Variants in GPR158 observed in about 807,000 individuals in gnomAD.
The protein encoded by GPR158 is G protein-coupled receptor 158, also known as metabotropic glycine receptor.
Under a neutral mutation model 78.2 loss-of-function variants are expected in GPR158, and 30 were observed. That is an observed-to-expected ratio of 0.38 (90% CI 0.29 to 0.52). GPR158 has a LOEUF of 0.52. Among genes scored for constraint, GPR158 ranks in the 20% least tolerant of loss-of-function variants. The pLI is 0.83. For missense variants in GPR158, 1,463 were observed against 1,523.5 expected, an observed-to-expected ratio of 0.96 and a Z score of 0.66; for synonymous variants, 581 against 591.1, an observed-to-expected ratio of 0.98 and a Z score of 0.25.
intron 5 of GPR158, among the ~76,000 whole-genome samples, chr10:25,488,722 C>G (rs1310974689): frequency 6.6e-6 from 1 of 152,064 alleles, no homozygotes; most frequent in African/African-American, 2.4e-5. Context: ...AGATGTGATT[C>G]AGACATGAAA....
At chr10:25,207,099 A>C (rs1268604761) in intron 1 of GPR158, among the ~76,000 whole-genome samples, 1 of 152,036 alleles carries the variant, frequency 6.6e-6, no homozygotes, top group Non-Finnish European at 1.5e-5. Flanking sequence ...CATTAAGCAG[A>C]AGGAAATCTG....
chr10:25,520,426 T>G (rs1337950450), intron 5 of GPR158, among the ~76,000 whole-genome samples: 1 of 150,408 alleles, frequency 6.6e-6, no homozygotes, highest in Non-Finnish European at 1.5e-5. Context: ...AGGAACTGCG[T>G]TCCTTTGGAG....
intron 5 of GPR158, among the ~76,000 whole-genome samples, chr10:25,502,594 G>A (rs1330220330): frequency 2.1e-5 from 3 of 142,466 alleles, no homozygotes; most frequent in Non-Finnish European, 4.8e-5. Context: ...AGGTTTTTCA[G>A]TATGGGGGAC....
At chr10:25,274,774 TAACTG>T (rs1243422611) in intron 2 of GPR158, among the ~76,000 whole-genome samples, 8 of 152,328 alleles carry the variant, frequency 5.3e-5, no homozygotes, top group South Asian at 2.1e-4. Context: ...TAAAAAAAGT[TAACTG>T]AACTATTTTT....
chr10:25,445,468 T>C (rs569852723), intron 4 of GPR158, among the ~76,000 whole-genome samples: 1 of 152,306 alleles, frequency 6.6e-6, no homozygotes, highest in Middle Eastern at 3.4e-3. Context: ...TTTGGACTTA[T>C]GTATAGCAGA....
At chr10:25,451,255 C>T (rs573587925) in intron 4 of GPR158, among the ~76,000 whole-genome samples, 44 of 152,246 alleles carry the variant, frequency 2.9e-4, no homozygotes, top group Middle Eastern at 3.4e-3. Flanking sequence ...AGTTGCCTAC[C>T]CAAAGGATTC....
chr10:25,233,951 A>G (rs987572898), intron 2 of GPR158, among the ~76,000 whole-genome samples: 8 of 152,198 alleles, frequency 5.3e-5, no homozygotes, highest in African/African-American at 1.7e-4. Flanking sequence ...TTTCATAAAT[A>G]TGTTACTTAT....
rs190491251 is a variant in GPR158 at position 25,351,075 on chromosome 10, A to G, written c.1009-44836A>G. On this transcript the variant is annotated intron_variant, in intron 2 of 10. Coordinates refer to ENST00000376351, the MANE Select transcript of GPR158 (RefSeq NM_020752.3). ...GAGATTCCTTCGCAGAAGAGGTGACACCTATACAGCCTGTGAGCCTGAACG... is the reference window on the plus strand; with the variant it reads ...GAGATTCCTTCGCAGAAGAGGTGACGCCTATACAGCCTGTGAGCCTGAACG... Among the ~76,000 whole-genome samples the G allele has an allele frequency of 8.0e-3, 1,220 of 152,090 alleles. 13 individuals are homozygous for G. Among genetic ancestry groups the G allele is most frequent in the African/African-American group, 0.028 (1,142 of 41,524 alleles).
intron 1 of GPR158, among the ~76,000 whole-genome samples, chr10:25,200,188 A>G (rs576286288): frequency 8.5e-5 from 13 of 152,088 alleles, no homozygotes; most frequent in Admixed American, 5.2e-4. Context: ...TTGTATTTTG[A>G]CTTTTTAATA....
At chr10:25,439,211 T>G (rs184270743) in intron 4 of GPR158, among the ~76,000 whole-genome samples, 37 of 152,146 alleles carry the variant, frequency 2.4e-4, no homozygotes, top group Non-Finnish European at 4.7e-4. Flanking sequence ...TGGGGAGGCC[T>G]CACAATCATG....
intron 4 of GPR158, chr10:25,466,434 C>T (rs1835425147): frequency 2.4e-6 from 1 of 422,254 alleles, no homozygotes. Context: ...TCTCATGCAG[C>T]CACTGGCGAT....
At position 25,599,613 on chromosome 10, in the gene GPR158, G is replaced by C; in HGVS notation, c.*339G>C. On this transcript the variant is annotated 3_prime_UTR_variant, in exon 11 of 11. Transcript: ENST00000376351. ...TAAGCCAGGTAAACCAGGAGACACA[G>C]AAGACGTACCAGATTTGCAAAGAAA... 4.6e-6 allele frequency: 1 copy of C among 215,336 alleles called. No individual in the cohort carries two copies. The highest frequency in any genetic ancestry group is 9.2e-6 in the Non-Finnish European group (1 of 108,410). 13.3% of individuals were successfully genotyped at this position (215,336 alleles called of 1,614,324 possible). A position where few individuals can be genotyped will look rare whatever the true frequency, so the allele number is the denominator to read the frequency against.
intron 2 of GPR158, among the ~76,000 whole-genome samples, chr10:25,282,114 GC>G: frequency 6.6e-6 from 1 of 152,050 alleles, no homozygotes; most frequent in Non-Finnish European, 1.5e-5. Flanking sequence ...TCTTTGTGAT[GC>G]CCCTTTAAAA....
At chr10:25,341,131 T>C (rs193093910) in intron 2 of GPR158, among the ~76,000 whole-genome samples, 1 of 151,954 alleles carries the variant, frequency 6.6e-6, no homozygotes, top group Non-Finnish European at 1.5e-5. Context: ...TGAAATAAAC[T>C]CATTTTCAGA....
intron 2 of GPR158, among the ~76,000 whole-genome samples, chr10:25,359,215 A>C (rs1855595800): frequency 6.6e-6 from 1 of 152,056 alleles, no homozygotes; most frequent in Admixed American, 6.6e-5. Context: ...ACATACACAC[A>C]CATATATATT....
chr10:25,175,444 A>G lies in GPR158; in HGVS notation c.24A>G (p.Leu8=), dbSNP rs1207884818. The G allele has an allele frequency of 2.5e-6, 4 of 1,585,488 alleles. No individual in the cohort carries two copies. The East Asian group carries it at 9.0e-5, about 36-fold the overall frequency. The part of the protein sequence containing the change: MGAMAYP[L]LLCLLLAQLG... ...AGATGGGAGCCATGGCTTACCCCTT[A>G]CTCCTCTGCCTCCTGCTTGCTCAGC... Residue 8 remains leucine (L), a synonymous_variant, in exon 1 of 11, where the codon TTA becomes TTG. Coordinates refer to ENST00000376351, the MANE Select transcript of GPR158 (RefSeq NM_020752.3). The surrounding 1 kb of genome is among the most constrained non-coding windows in gnomAD (Gnocchi z 6.4).
At chr10:25,258,988 T>A (rs373441052) in intron 2 of GPR158, among the ~76,000 whole-genome samples, 4 of 152,334 alleles carry the variant, frequency 2.6e-5, no homozygotes, top group Admixed American at 6.5e-5. Flanking sequence ...ATACATTTTT[T>A]ATTCATTAAG....
chr10:25,260,632 T>A (rs1853956479), intron 2 of GPR158, among the ~76,000 whole-genome samples: 1 of 152,154 alleles, frequency 6.6e-6, no homozygotes, highest in South Asian at 2.1e-4. Flanking sequence ...CATTTTATGT[T>A]CTTAGGATGT....
chr10:25,208,711 A>C (rs1393990576), intron 1 of GPR158, among the ~76,000 whole-genome samples: 2 of 152,070 alleles, frequency 1.3e-5, no homozygotes, highest in East Asian at 3.9e-4. Context: ...TGGCCTCTAC[A>C]AACTGTCAAA....
Sources: gnomAD v4.1 joint callset for allele counts (sites outside exome capture counted in the v4.1 genomes callset) on GRCh38, gnomAD v4.1.1 for gene constraint, Gnocchi (gnomAD v3.1) non-coding constraint, MANE v1.5 for transcripts, NCBI Gene and HGNC (gene_info 2026-07-23, HGNC 2026-07-21) for gene names.